The following LATS1 variants were observed in gnomAD, a reference collection of about 807,000 sequenced individuals.
LATS1 encodes large tumor suppressor kinase 1.
A neutral mutation model predicts 106.6 loss-of-function variants in LATS1; 25 were observed. That is an observed-to-expected ratio of 0.23 (90% CI 0.17 to 0.33). The LOEUF (loss-of-function observed/expected upper bound fraction) is 0.33, where lower values mean the gene tolerates loss of function less well. Ranked by LOEUF, LATS1 falls within the 10% of genes least tolerant of loss-of-function variation. The probability of loss-of-function intolerance (pLI) is 1.00; values close to 1 mark genes in which losing one functional copy is unlikely to be tolerated. For missense variants in LATS1, 1,040 were observed against 1,382.6 expected, an observed-to-expected ratio of 0.75 and a Z score of 3.93; for synonymous variants, 465 against 455.6, an observed-to-expected ratio of 1.02 and a Z score of -0.26.
chr6:149,678,345 AAAAC>A (rs10683825), intron 5 of LATS1, among the ~76,000 whole-genome samples: 7 of 149,832 alleles, frequency 4.7e-5, no homozygotes, highest in African/African-American at 7.4e-5. Context: ...CTCCGTCTCA[AAAAC>A]AAACAAACAA....
chr6:149,662,191 G>C lies in LATS1; in HGVS notation c.2931C>G (p.Leu977=). 1 of 1,613,066 alleles carries C rather than the reference G, an allele frequency of 6.2e-7. No individual in the cohort carries two copies. ...TAATAAGATCAGAAGCTTCAGGACTGAGTTTAGCTTGTGGTGGAATGTGAA... is the reference window on the plus strand; with the variant it reads ...TAATAAGATCAGAAGCTTCAGGACTCAGTTTAGCTTGTGGTGGAATGTGAA... ...TSLHIPPQAK[L]SPEASDLIIK... Residue 977 remains leucine (L), a synonymous_variant, in exon 8 of 8, where the codon CTC becomes CTG. Transcript: ENST00000543571.
At chr6:149,704,907 C>CACAT (rs1363943229) in intron 1 of LATS1, among the ~76,000 whole-genome samples, 1 of 151,144 alleles carries the variant, frequency 6.6e-6, no homozygotes, top group Non-Finnish European at 1.5e-5. Context: ...CACACACACA[C>CACAT]ACACACACAC....
chr6:149,670,380 G>T (rs62439837), intron 7 of LATS1, among the ~76,000 whole-genome samples: 51,871 of 151,584 alleles, frequency 0.34, 10,689 homozygotes, highest in East Asian at 0.81. Flanking sequence ...ACTGGAAAAA[G>T]ACTATCAGGA....
chr6:149,699,241 G>C (rs1488255822), intron 2 of LATS1, among the ~76,000 whole-genome samples: 2 of 152,110 alleles, frequency 1.3e-5, no homozygotes, highest in Admixed American at 6.6e-5. Flanking sequence ...GTGATTCAAG[G>C]AAGTAGAAGT....
chr6:149,691,769 C>T (rs1222582707), intron 3 of LATS1, among the ~76,000 whole-genome samples: 1 of 152,106 alleles, frequency 6.6e-6, no homozygotes, highest in Non-Finnish European at 1.5e-5. Context: ...TCCCCACCTC[C>T]CTACTTGACA....
Position 149,676,885 on chromosome 6 carries a change from GT to G in LATS1, c.2594-149del, listed in dbSNP as rs1781754452. The G allele has an allele frequency of 6.0e-6, 4 of 666,440 alleles. No individual in the cohort carries two copies. The Admixed American group carries it at 1.2e-4, about 20-fold the overall frequency. The allele number at this position is 666,440 out of a possible 1,614,324, so 41.3% of individuals were successfully genotyped here. A position where few individuals can be genotyped will look rare whatever the true frequency, so the allele number is the denominator to read the frequency against. On this transcript the variant is annotated intron_variant, in intron 5 of 7. Transcript: ENST00000543571. ...CAATGTATGCCAAATCACTGATGGT[GT>G]TTATTACCAATTAGAGCCTATTTTC...
At chr6:149,709,272 A>G (rs1562358152) in intron 1 of LATS1, among the ~76,000 whole-genome samples, 1 of 152,192 alleles carries the variant, frequency 6.6e-6, no homozygotes, top group East Asian at 1.9e-4. Context: ...TAAGACTGAC[A>G]AAACAGACTC....
intron 5 of LATS1, among the ~76,000 whole-genome samples, chr6:149,679,549 CA>C (rs57395928): frequency 0.064 from 4,222 of 66,176 alleles, 157 homozygotes; most frequent in African/African-American, 0.16. Flanking sequence ...GAGACTCCAT[CA>C]AAAAAAAAAA....
chr6:149,663,757 T>A (rs1780998879), intron 7 of LATS1, among the ~76,000 whole-genome samples: 2 of 152,088 alleles, frequency 1.3e-5, no homozygotes, highest in Non-Finnish European at 2.9e-5. Flanking sequence ...ATGCTTCCAG[T>A]TTCATCACTT....
intron 1 of LATS1, among the ~76,000 whole-genome samples, chr6:149,712,128 A>G (rs1019214571): frequency 1.3e-5 from 2 of 152,210 alleles, no homozygotes; most frequent in Non-Finnish European, 2.9e-5. Context: ...ATCAGGGCCC[A>G]ATTTCTTAGC....
Position 149,684,487 on chromosome 6 carries a change from T to C in LATS1, c.602A>G (p.His201Arg). Residue 201 changes from histidine (H) to arginine (R), a missense_variant, in exon 4 of 8, where the codon CAT (histidine) becomes CGT (arginine). Transcript: ENST00000543571. ...TGTCTGTGAGTTGGGACTCTCAGAA[T>C]GATAGGCCACACTTTCTCCTAGTGG... ...GPPLGESVAYHSESPNSQTDV... is the reference protein window; with the variant it reads ...GPPLGESVAYRSESPNSQTDV... The C allele has an allele frequency of 6.2e-7, 1 of 1,614,154 alleles. No individual in the cohort carries two copies. Among genetic ancestry groups the C allele is most frequent in the Non-Finnish European group, 8.5e-7 (1 of 1,179,982 alleles).
chr6:149,707,145 A>G (rs1337006959), intron 1 of LATS1, among the ~76,000 whole-genome samples: 2 of 150,304 alleles, frequency 1.3e-5, no homozygotes, highest in Non-Finnish European at 2.9e-5. Context: ...CCTCCTGAGT[A>G]GCCGAGATCA....
intron 1 of LATS1, among the ~76,000 whole-genome samples, chr6:149,710,656 C>G (rs1353204688): frequency 6.6e-6 from 1 of 152,156 alleles, no homozygotes; most frequent in Non-Finnish European, 1.5e-5. Context: ...ATACCGGAGG[C>G]TGGAAAGATG....
chr6:149,682,197 C>T (rs1782076093), intron 4 of LATS1, among the ~76,000 whole-genome samples: 6 of 151,766 alleles, frequency 4.0e-5, no homozygotes, highest in African/African-American at 7.3e-5. Flanking sequence ...TGTTTACTTA[C>T]TCTGATCTCC....
At chr6:149,706,622 T>C (rs1783788297) in intron 1 of LATS1, among the ~76,000 whole-genome samples, 1 of 152,246 alleles carries the variant, frequency 6.6e-6, no homozygotes, top group Non-Finnish European at 1.5e-5. Flanking sequence ...TAAGTTATTG[T>C]CATGGATTAA....
chr6:149,680,925 T>A (rs930543409), intron 4 of LATS1, among the ~76,000 whole-genome samples: 1 of 152,088 alleles, frequency 6.6e-6, no homozygotes, highest in African/African-American at 2.4e-5. Flanking sequence ...TTCTAAAAAA[T>A]TAATGTACCA....
chr6:149,714,622 A>C (rs1784288099), intron 1 of LATS1, among the ~76,000 whole-genome samples: 1 of 152,238 alleles, frequency 6.6e-6, no homozygotes. Context: ...GAAGAAAAAA[A>C]AACTAAGTAA....
intron 7 of LATS1, among the ~76,000 whole-genome samples, chr6:149,675,215 C>CA (rs67049932): frequency 0.05 from 5,597 of 111,572 alleles, 358 homozygotes; most frequent in African/African-American, 0.16. Flanking sequence ...GACTCTGTAT[C>CA]AAAAAAAAAA....
chr6:149,712,463 C>A (rs937330205), intron 1 of LATS1, among the ~76,000 whole-genome samples: 2 of 152,130 alleles, frequency 1.3e-5, no homozygotes, highest in Non-Finnish European at 2.9e-5. Context: ...TCCCAAAGTG[C>A]TGGGATTACA....
Sources: allele counts gnomAD v4.1 joint callset (sites outside exome capture counted in the v4.1 genomes callset), GRCh38; gene constraint gnomAD v4.1.1; transcripts MANE v1.5; gene names NCBI Gene and HGNC (gene_info 2026-07-23, HGNC 2026-07-21).